BOLL: variants seen among roughly 807,000 people sequenced by gnomAD.
BOLL encodes the protein boule RNA binding protein.
BOLL carries 23 observed loss-of-function variants against 44.4 expected under a neutral mutation model. That is an observed-to-expected ratio of 0.52 (90% CI 0.37 to 0.73). The LOEUF (loss-of-function observed/expected upper bound fraction) is 0.73. BOLL is among the 30% of genes least tolerant of loss of function. BOLL has a pLI of 0.00. For synonymous variants in BOLL, 97 were observed against 110.8 expected, an observed-to-expected ratio of 0.88 and a Z score of 0.78; for missense variants, 287 against 338.3, an observed-to-expected ratio of 0.85 and a Z score of 1.19.
chr2:197,730,617 G>A (rs1360369661), intron 10 of BOLL, among the ~76,000 whole-genome samples: 8 of 148,558 alleles, frequency 5.4e-5, no homozygotes, highest in South Asian at 2.2e-4. Context: ...CGGATCTCTC[G>A]GCAGAAACCC....
At chr2:197,785,337 G>C, upstream of BOLL, 1 of 985,854 alleles carries the variant, frequency 1.0e-6, no homozygotes, top group South Asian at 4.7e-5. This position sits in a 1 kb window ranked among gnomAD's most constrained non-coding sequence, Gnocchi z 6.7. Flanking sequence ...ACCCTCGCGC[G>C]GCGCTCCCTG....
At chr2:197,733,947 C>T (rs1274091383) in intron 10 of BOLL, among the ~76,000 whole-genome samples, 17 of 152,142 alleles carry the variant, frequency 1.1e-4, no homozygotes, top group Non-Finnish European at 4.4e-5. Context: ...GCAACAAAAG[C>T]CAAAATTGAC....
intron 2 of BOLL, among the ~76,000 whole-genome samples, chr2:197,779,510 C>T (rs1258967386): frequency 6.6e-6 from 1 of 151,814 alleles, no homozygotes; most frequent in Non-Finnish European, 1.5e-5. Context: ...AATCAGTAGT[C>T]TCAGGAACTC....
At chr2:197,763,932 T>A (rs1688872226) in intron 7 of BOLL, among the ~76,000 whole-genome samples, 1 of 152,030 alleles carries the variant, frequency 6.6e-6, no homozygotes, top group South Asian at 2.1e-4. Flanking sequence ...AACAAATACA[T>A]GAAAAAATGA....
At chr2:197,731,251 C>A (rs1047728325) in intron 10 of BOLL, among the ~76,000 whole-genome samples, 143 of 151,710 alleles carry the variant, frequency 9.4e-4, no homozygotes, top group African/African-American at 3.1e-3. Flanking sequence ...ATCAGTTCAA[C>A]AAGAAGAGCT....
intron 9 of BOLL, among the ~76,000 whole-genome samples, chr2:197,750,866 A>C (rs1688211171): frequency 6.6e-6 from 1 of 152,234 alleles, no homozygotes; most frequent in Non-Finnish European, 1.5e-5. Flanking sequence ...ACCACATAGC[A>C]CTTATTGTAA....
chr2:197,749,982 C>T lies in BOLL; in HGVS notation c.729+6446G>A, dbSNP rs556273215. On this transcript the variant is annotated intron_variant, in intron 9 of 10. Transcript: ENST00000392296. ...AACCTTACAAGCCAGAAGAGAGTAGCGGCCAATATTCAACATTCTTAAAGA... is the reference window on the plus strand; with the variant it reads ...AACCTTACAAGCCAGAAGAGAGTAGTGGCCAATATTCAACATTCTTAAAGA... 5.9e-5 allele frequency among the ~76,000 whole-genome samples: 9 copies of T among 152,184 alleles called. No homozygotes were observed. The South Asian group carries it at 6.2e-4, about 11-fold the overall frequency.
intron 4 of BOLL, 69 bp from the exon 5 acceptor site, chr2:197,775,809 A>G (rs1689484793): frequency 3.2e-6 from 3 of 936,388 alleles, no homozygotes; most frequent in Non-Finnish European, 4.6e-6. Context: ...ATAAGGAAAA[A>G]CTAGTTAGAA....
chr2:197,735,131 G>A (rs1044611236), intron 10 of BOLL, among the ~76,000 whole-genome samples: 6 of 151,964 alleles, frequency 3.9e-5, no homozygotes, highest in Non-Finnish European at 8.8e-5. Flanking sequence ...TAAAAAAATG[G>A]ATAAGATCAA....
At chr2:197,771,169 T>C (rs573751912) in intron 6 of BOLL, among the ~76,000 whole-genome samples, 2 of 151,718 alleles carry the variant, frequency 1.3e-5, no homozygotes, top group South Asian at 2.1e-4. Flanking sequence ...TATGCAGCCA[T>C]AAAAAGGATG....
rs1206465717 is a variant in BOLL at position 197,781,707 on chromosome 2, T to C, written c.129+15A>G. 6.6e-7 allele frequency: 1 copy of C among 1,512,530 alleles called. No individual in the cohort carries two copies. Among genetic ancestry groups the C allele is most frequent in the African/African-American group, 1.4e-5 (1 of 73,366 alleles). 93.7% of individuals were successfully genotyped at this position (1,512,530 alleles called of 1,614,324 possible). ...TAATGAAAAAATACACTTTACTGCA[T>C]GCATAAATAGGTACCTTAAAATCAA... On this transcript the variant is annotated intron_variant, in intron 2 of 10. Transcript: ENST00000392296.
At chr2:197,729,620 A>G (rs1456305969) in intron 10 of BOLL, among the ~76,000 whole-genome samples, 1 of 152,204 alleles carries the variant, frequency 6.6e-6, no homozygotes, top group Non-Finnish European at 1.5e-5. Context: ...AGATCTGAGA[A>G]CGGGCAGACT....
intron 2 of BOLL, 104 bp from the exon 3 acceptor site, chr2:197,779,170 T>G (rs1275716100): frequency 2.6e-6 from 2 of 775,226 alleles, no homozygotes; most frequent in African/African-American, 3.5e-5. Flanking sequence ...ATAAGATGCA[T>G]GAAAAATGCC....
chr2:197,765,893 C>T (rs1190656491), intron 7 of BOLL, among the ~76,000 whole-genome samples: 7 of 151,844 alleles, frequency 4.6e-5, no homozygotes, highest in South Asian at 4.2e-4. Flanking sequence ...CCCTTCTTTA[C>T]GTTCATGAGT....
chr2:197,752,058 T>C (rs1327207636), intron 9 of BOLL, among the ~76,000 whole-genome samples: 1 of 152,124 alleles, frequency 6.6e-6, no homozygotes, highest in Non-Finnish European at 1.5e-5. Flanking sequence ...ACCACATGAT[T>C]ATCTCAATAG....
chr2:197,752,833 G>C (rs1474874656), intron 9 of BOLL, among the ~76,000 whole-genome samples: 3 of 151,894 alleles, frequency 2.0e-5, no homozygotes, highest in African/African-American at 7.3e-5. Context: ...CAAAAAAGAG[G>C]CCATATAACC....
At position 197,748,585 on chromosome 2, in the gene BOLL, G is replaced by A. The variant is rs569536365; in HGVS notation, c.730-5426C>T. Reference sequence around the variant, plus strand: ...TGCCATTACTGAGGCTTGAGTAAGCGGTTTTCCACTCACAGTGTAAATAAA... The same window carrying A: ...TGCCATTACTGAGGCTTGAGTAAGCAGTTTTCCACTCACAGTGTAAATAAA... On this transcript the variant is annotated intron_variant, in intron 9 of 10. Coordinates refer to ENST00000392296, the MANE Select transcript of BOLL (RefSeq NM_033030.6). Among the ~76,000 whole-genome samples the A allele has an allele frequency of 1.7e-4, 26 of 152,290 alleles. No individual in the cohort carries two copies. In the South Asian group the frequency reaches 5.0e-3, roughly 29 times the overall value.
chr2:197,742,502 A>G (rs1687792699), intron 10 of BOLL, among the ~76,000 whole-genome samples: 1 of 152,206 alleles, frequency 6.6e-6, no homozygotes, highest in African/African-American at 2.4e-5. Context: ...TGATGAGTTC[A>G]TGTCCTTTGT....
chr2:197,735,823 T>C (rs1391367795), intron 10 of BOLL, among the ~76,000 whole-genome samples: 2 of 152,208 alleles, frequency 1.3e-5, no homozygotes, highest in Non-Finnish European at 2.9e-5. Flanking sequence ...TATTTTCTTC[T>C]GCTCCCTGCA....
Sources: allele counts gnomAD v4.1 joint callset (sites outside exome capture counted in the v4.1 genomes callset), GRCh38; gene constraint gnomAD v4.1.1; non-coding constraint Gnocchi (gnomAD v3.1); transcripts MANE v1.5; gene names NCBI Gene and HGNC (gene_info 2026-07-23, HGNC 2026-07-21).